The following HDAC9 variants were observed in gnomAD, a reference collection of about 807,000 sequenced individuals.
HDAC9 encodes the protein histone deacetylase 9.
Under a neutral mutation model 139.4 loss-of-function variants are expected in HDAC9, and 41 were observed. The ratio of observed to expected loss-of-function variants is 0.29; its 90% CI spans 0.23 to 0.38. The LOEUF is 0.38. Among genes scored for constraint, HDAC9 ranks in the 10% least tolerant of loss-of-function variants. The pLI, the probability that HDAC9 is intolerant of heterozygous loss-of-function variation, is 1.00. For missense variants in HDAC9, 1,147 were observed against 1,297.0 expected (o/e 0.88, Z 1.78); for synonymous variants, 517 against 476.2 (o/e 1.09, Z -1.12).
chr7:18,524,076 C>T (rs1586655411), intron 2 of HDAC9, among the ~76,000 whole-genome samples: 2 of 152,156 alleles, frequency 1.3e-5, no homozygotes, highest in Non-Finnish European at 2.9e-5. Context: ...AGAAGCACTT[C>T]TTCATCTGGC....
At chr7:18,200,791 G>A (rs968129108) in intron 2 of HDAC9, among the ~76,000 whole-genome samples, 8 of 151,984 alleles carry the variant, frequency 5.3e-5, no homozygotes, top group Non-Finnish European at 1.0e-4. Context: ...ATTTTAATTC[G>A]TTATTATAAT....
intron 1 of HDAC9, among the ~76,000 whole-genome samples, chr7:18,135,599 A>G (rs1785345597): frequency 1.5e-5 from 2 of 132,286 alleles, no homozygotes; most frequent in Non-Finnish European, 3.1e-5. Flanking sequence ...GATGATTTCC[A>G]ATTTCATCCA....
intron 24 of HDAC9, among the ~76,000 whole-genome samples, chr7:18,959,668 C>T (rs1211338162): frequency 6.6e-6 from 1 of 152,158 alleles, no homozygotes; most frequent in African/African-American, 2.4e-5. Context: ...AATGACATGG[C>T]ACATCACTAG....
At chr7:18,792,254 T>G (rs2588626) in intron 16 of HDAC9, among the ~76,000 whole-genome samples, 2,118 of 149,668 alleles carry the variant, frequency 0.014, 49 homozygotes, top group African/African-American at 0.05. Flanking sequence ...TGCATTTAAT[T>G]CTCTTTTTTT....
intron 19 of HDAC9, among the ~76,000 whole-genome samples, chr7:18,830,592 A>G (rs1795790865): frequency 6.6e-6 from 1 of 152,316 alleles, no homozygotes; most frequent in Non-Finnish European, 1.5e-5. Flanking sequence ...GAGAGCACAA[A>G]CAAAGCCATG....
chr7:18,975,144 C>T (rs373156205), intron 24 of HDAC9, among the ~76,000 whole-genome samples: 7 of 152,278 alleles, frequency 4.6e-5, no homozygotes, highest in African/African-American at 1.7e-4. Context: ...CTTCTATTTT[C>T]CTCTCTTTCT....
chr7:18,719,716 C>A (rs539058913), intron 12 of HDAC9, among the ~76,000 whole-genome samples: 1 of 152,038 alleles, frequency 6.6e-6, no homozygotes, highest in African/African-American at 2.4e-5. Context: ...TCCTCTATTT[C>A]GTCTGAGAAT....
intron 1 of HDAC9, among the ~76,000 whole-genome samples, chr7:18,153,323 G>A (rs1468437673): frequency 6.7e-6 from 1 of 149,874 alleles, no homozygotes; most frequent in Non-Finnish European, 1.5e-5. Flanking sequence ...TGAGCATAGG[G>A]GCTCAAGAGC....
chr7:18,566,364 G>A (rs892263641), intron 2 of HDAC9, among the ~76,000 whole-genome samples: 6 of 152,246 alleles, frequency 3.9e-5, no homozygotes, highest in African/African-American at 4.8e-5. Context: ...TAGGGATCCC[G>A]CTTGCTTCCT....
chr7:18,976,698 T>C (rs1023904756), intron 25 of HDAC9, among the ~76,000 whole-genome samples: 5 of 152,234 alleles, frequency 3.3e-5, no homozygotes, highest in Non-Finnish European at 7.3e-5. Context: ...AAATGGTACA[T>C]TCAGAATTTC....
intron 22 of HDAC9, among the ~76,000 whole-genome samples, chr7:18,932,783 A>G (rs985970535): frequency 6.6e-6 from 1 of 151,626 alleles, no homozygotes; most frequent in Admixed American, 6.6e-5. Context: ...GAAAGAACGT[A>G]AGAGAGAAAG....
intron 17 of HDAC9, among the ~76,000 whole-genome samples, chr7:18,824,553 A>G (rs1358226883): frequency 6.6e-6 from 1 of 152,220 alleles, no homozygotes; most frequent in Non-Finnish European, 1.5e-5. Context: ...GATGCTTGAC[A>G]TTGAAATCAT....
intron 1 of HDAC9, among the ~76,000 whole-genome samples, chr7:18,306,579 T>C (rs1003578508): frequency 6.6e-6 from 1 of 152,184 alleles, no homozygotes; most frequent in African/African-American, 2.4e-5. Context: ...TCTGAAGCCT[T>C]CTACACATAC....
At chr7:18,125,186 C>G (rs1009969025) in intron 1 of HDAC9, among the ~76,000 whole-genome samples, 2 of 152,066 alleles carry the variant, frequency 1.3e-5, no homozygotes, top group South Asian at 2.1e-4. Context: ...GGTACCCCCC[C>G]ATCTTTTACC....
chr7:18,414,963 A>G lies in HDAC9; in HGVS notation c.-41-81299A>G, dbSNP rs186575952. On this transcript the variant is annotated intron_variant, in intron 1 of 3. Coordinates refer to the HDAC9 transcript ENST00000413509. ...CTTTCCGTGGCTTCCTACCTCGCCT[A>G]TTTGTTCTATGGCCTGTGTGCCTCT... Among the ~76,000 whole-genome samples, 166 of 152,086 alleles carry G rather than the reference A, an allele frequency of 1.1e-3. 1 individual carries two copies. The highest frequency in any genetic ancestry group is 3.6e-3 in the African/African-American group (151 of 41,478).
At chr7:18,666,529 C>A in intron 12 of HDAC9, 53 bp downstream of exon 12, 1 of 1,574,574 alleles carries the variant, frequency 6.4e-7, no homozygotes, top group Non-Finnish European at 8.6e-7. Flanking sequence ...ATTATCTGAA[C>A]ATGAAATGCA....
chr7:18,830,488 G>A (rs990318078), intron 19 of HDAC9, among the ~76,000 whole-genome samples: 2 of 152,122 alleles, frequency 1.3e-5, no homozygotes, highest in Non-Finnish European at 2.9e-5. Flanking sequence ...TCTAAATCTT[G>A]TTCATATCTG....
At chr7:18,329,949 T>A (rs1037795744) in intron 1 of HDAC9, among the ~76,000 whole-genome samples, 1 of 150,690 alleles carries the variant, frequency 6.6e-6, no homozygotes, top group African/African-American at 2.4e-5. Flanking sequence ...GTACTTTGGG[T>A]CTATTTTATT....
In HDAC9 at chr7:18,718,516, A is replaced by C. The variant is rs539393594; in HGVS notation, c.1732-9064A>C. Among the ~76,000 whole-genome samples the C allele has an allele frequency of 5.3e-5, 8 of 152,290 alleles. No individual in the cohort carries two copies. In the East Asian group the frequency reaches 1.5e-3, roughly 29 times the overall value. ...CCAAAGTGTTAGGATTACAGGTGTG[A>C]GCCACCGTGCCTGGCAGGTGTGTGG... On this transcript the variant is annotated intron_variant, in intron 12 of 25. Transcript: ENST00000686413.
Sources: gnomAD v4.1 joint callset for allele counts (sites outside exome capture counted in the v4.1 genomes callset) on GRCh38, gnomAD v4.1.1 for gene constraint, MANE v1.5 for transcripts, NCBI Gene and HGNC (gene_info 2026-07-23, HGNC 2026-07-21) for gene names.